Variants in PRDM1 observed in about 807,000 individuals in gnomAD.
PRDM1 encodes PR/SET domain 1.
Under a neutral mutation model 62.8 loss-of-function variants are expected in PRDM1, and 13 were observed. The observed-to-expected ratio is 0.21, with a 90% CI of 0.13 to 0.33. The LOEUF is 0.33. Ranked by LOEUF, PRDM1 falls within the 10% of genes least tolerant of loss-of-function variation. The probability of loss-of-function intolerance (pLI) is 1.00; values close to 1 mark genes in which losing one functional copy is unlikely to be tolerated. For missense variants in PRDM1, 895 were observed against 1,058.8 expected, an observed-to-expected ratio of 0.85 and a Z score of 2.15; for synonymous variants, 396 against 417.6, an observed-to-expected ratio of 0.95 and a Z score of 0.63.
At chr6:106,080,423 C>G (rs1773677184) in intron 1 of PRDM1, among the ~76,000 whole-genome samples, 1 of 152,172 alleles carries the variant, frequency 6.6e-6, no homozygotes, top group Non-Finnish European at 1.5e-5. Context: ...CCGCAGCCCC[C>G]AGCATCCTTC....
At chr6:106,001,706 C>T (rs896475385) in intron 1 of PRDM1, among the ~76,000 whole-genome samples, 3 of 151,954 alleles carry the variant, frequency 2.0e-5, no homozygotes, top group Admixed American at 6.6e-5. Flanking sequence ...TTCCACTATC[C>T]CTGTTCCATT....
chr6:106,024,046 G>C (rs935673645), intron 1 of PRDM1, among the ~76,000 whole-genome samples: 1 of 152,074 alleles, frequency 6.6e-6, no homozygotes, highest in Non-Finnish European at 1.5e-5. Context: ...GGAGGCTGAG[G>C]TAGGAGGATT....
At chr6:106,031,889 A>T (rs1438667733) in intron 1 of PRDM1, among the ~76,000 whole-genome samples, 3 of 151,908 alleles carry the variant, frequency 2.0e-5, no homozygotes, top group Non-Finnish European at 2.9e-5. Flanking sequence ...TCTGATTCCC[A>T]TCCCAGTTTT....
chr6:106,044,023 T>C (rs1251154254), upstream of PRDM1, among the ~76,000 whole-genome samples: 1 of 152,188 alleles, frequency 6.6e-6, no homozygotes, highest in Non-Finnish European at 1.5e-5. Flanking sequence ...GTTTTAGTTT[T>C]ATGCCCTACC....
intron 2 of PRDM1, among the ~76,000 whole-genome samples, chr6:106,092,505 T>C (rs1369446418): frequency 2.0e-5 from 3 of 152,248 alleles, no homozygotes; most frequent in Non-Finnish European, 4.4e-5. Flanking sequence ...AGTTTCCTTC[T>C]TGAGTTAGGT....
At chr6:105,998,911 ATATATATATATATATATATATATTT>A (rs1301306131) in intron 1 of PRDM1, among the ~76,000 whole-genome samples, 1,477 of 57,730 alleles carry the variant, frequency 0.026, 22 homozygotes, top group African/African-American at 0.056. Context: ...ATATATATAT[ATATATATATATATATATATATATTT>A]TTTTTTTTTT....
intron 1 of PRDM1, among the ~76,000 whole-genome samples, chr6:106,040,600 C>T (rs1392225659): frequency 6.6e-6 from 1 of 152,176 alleles, no homozygotes; most frequent in Non-Finnish European, 1.5e-5. Context: ...ATCCTGTGGG[C>T]TCAGGTGTTG....
intron 1 of PRDM1, among the ~76,000 whole-genome samples, chr6:106,026,765 T>C (rs944742033): frequency 2.0e-5 from 3 of 152,184 alleles, no homozygotes; most frequent in Non-Finnish European, 4.4e-5. Flanking sequence ...TGTGTGTTTG[T>C]AGAAAGGAGA....
rs1473585367 is a variant in PRDM1 at position 106,106,766 on chromosome 6, T to TACCA, written c.1903-144_1903-141dup. ...TGCCCACATCCCCCCGTTTGCTTAA[T>TACCA]ACCACACTGGAGGTGCCACAAGGAG... On this transcript the variant is annotated intron_variant, in intron 6 of 6. Coordinates refer to ENST00000369096, the MANE Select transcript of PRDM1 (RefSeq NM_001198.4). This position sits in a 1 kb window ranked among gnomAD's most constrained non-coding sequence, Gnocchi z 4.4. 1 of 1,007,280 alleles carries TACCA rather than the reference T, an allele frequency of 9.9e-7. No homozygotes were observed. Among genetic ancestry groups the TACCA allele is most frequent in the Non-Finnish European group, 1.4e-6 (1 of 691,138 alleles). 62.4% of individuals were successfully genotyped at this position (1,007,280 alleles called of 1,614,324 possible). A position where few individuals can be genotyped will look rare whatever the true frequency, so the allele number is the denominator to read the frequency against.
chr6:106,049,254 A>G (rs1773132762), intron 1 of PRDM1, among the ~76,000 whole-genome samples: 1 of 152,242 alleles, frequency 6.6e-6, no homozygotes, highest in South Asian at 2.1e-4. Flanking sequence ...AAAGCCAATT[A>G]TGTTACCTCT....
intron 4 of PRDM1, among the ~76,000 whole-genome samples, chr6:106,102,944 A>G (rs1774316771): frequency 6.6e-6 from 1 of 152,164 alleles, no homozygotes; most frequent in Non-Finnish European, 1.5e-5. Context: ...TGCCTTGCCT[A>G]TCAGTTTTCA....
chr6:106,053,883 G>C (rs981048827), intron 1 of PRDM1, among the ~76,000 whole-genome samples: 2 of 140,862 alleles, frequency 1.4e-5, no homozygotes, highest in African/African-American at 2.7e-5. Context: ...TCATGCCTTA[G>C]AGCATCCTTA....
chr6:106,045,737 A>G (rs1273039283), upstream of PRDM1: 2 of 152,218 alleles, frequency 1.3e-5, no homozygotes, highest in African/African-American at 2.4e-5. Flanking sequence ...AAAATGATAC[A>G]GAGAGGTAAG....
chr6:106,000,383 G>A (rs552364994), intron 1 of PRDM1, among the ~76,000 whole-genome samples: 49 of 152,302 alleles, frequency 3.2e-4, no homozygotes, highest in African/African-American at 1.2e-3. Flanking sequence ...AGAGGTTCAA[G>A]GCTGCTGTGA....
chr6:106,105,477 C>A lies in PRDM1; in HGVS notation c.1317C>A (p.Leu439=), dbSNP rs140025520. The A allele has an allele frequency of 3.3e-5, 53 of 1,614,136 alleles. No individual in the cohort carries two copies. The Middle Eastern group carries it at 2.3e-3, about 70-fold the overall frequency. The change falls in exon 5 of 7, where the codon CTC becomes CTA. Residue 439 remains leucine (L), a synonymous_variant. Transcript: ENST00000369096. ...TGAATGGCATCAACAACTTTGGCCT[C>A]TTCCCGAGGCTGTGCCCTGTCTACA... ...SSMNGINNFG[L]FPRLCPVYSN... is the part of the protein sequence containing the mutation.
chr6:106,077,026 A>G (rs1773615033), intron 1 of PRDM1, among the ~76,000 whole-genome samples: 1 of 152,210 alleles, frequency 6.6e-6, no homozygotes, highest in Non-Finnish European at 1.5e-5. Flanking sequence ...TTAGTGGATG[A>G]ACTTATTTTC....
In PRDM1 at chr6:106,106,899, C is replaced by G. The variant is rs753941894; in HGVS notation, c.1903-12C>G. On this transcript the variant is annotated splice_polypyrimidine_tract_variant and intron_variant, in intron 6 of 6. Coordinates refer to ENST00000369096, the MANE Select transcript of PRDM1 (RefSeq NM_001198.4). This position sits in a 1 kb window ranked among gnomAD's most constrained non-coding sequence, Gnocchi z 4.4. ...TCTCCCTTCCCTGCTGTCTCTCTCC[C>G]CTACACTGTAGGTCTGCCACAAGAG... 1.2e-6 allele frequency: 2 copies of G among 1,606,894 alleles called. No homozygotes were observed. The highest frequency in any genetic ancestry group is 1.7e-5 in the Admixed American group (1 of 59,830).
chr6:106,012,482 A>G (rs73516757), intron 1 of PRDM1, among the ~76,000 whole-genome samples: 40,274 of 148,910 alleles, frequency 0.27, 5,907 homozygotes, highest in Middle Eastern at 0.37. Context: ...TCACACACAC[A>G]CACACCCCTC....
intron 2 of PRDM1, among the ~76,000 whole-genome samples, chr6:106,092,130 GAA>G (rs771530930): frequency 4.9e-5 from 3 of 61,372 alleles, no homozygotes; most frequent in African/African-American, 1.8e-4. Context: ...GAAGGAATTT[GAA>G]AAAAAAAAAA....
Sources: allele counts gnomAD v4.1 joint callset (sites outside exome capture counted in the v4.1 genomes callset), GRCh38; gene constraint gnomAD v4.1.1; non-coding constraint Gnocchi (gnomAD v3.1); transcripts MANE v1.5; gene names NCBI Gene and HGNC (gene_info 2026-07-23, HGNC 2026-07-21).